LINGO2: variants seen among roughly 807,000 people sequenced by gnomAD.
The protein encoded by LINGO2 is leucine-rich repeat and immunoglobulin-like domain-containing nogo receptor-interacting protein 2.
A neutral mutation model predicts 30.6 loss-of-function variants in LINGO2; 14 were observed. The observed-to-expected ratio is 0.46, with a 90% CI of 0.30 to 0.72. The LOEUF (loss-of-function observed/expected upper bound fraction) is 0.72. Ranked by LOEUF, LINGO2 falls within the 30% of genes least tolerant of loss-of-function variation. The pLI is 0.07. For synonymous variants in LINGO2, 317 were observed against 288.5 expected, an observed-to-expected ratio of 1.10 and a Z score of -1.00; for missense variants, 729 against 751.7, an observed-to-expected ratio of 0.97 and a Z score of 0.35.
chr9:28,227,520 T>C (rs998413670), intron 4 of LINGO2, among the ~76,000 whole-genome samples: 1 of 152,132 alleles, frequency 6.6e-6, no homozygotes, highest in Non-Finnish European at 1.5e-5. Flanking sequence ...ATTCTCCCCT[T>C]CTATGTGGCT....
intron 2 of LINGO2, among the ~76,000 whole-genome samples, chr9:28,435,897 G>A (rs1433976521): frequency 1.3e-5 from 2 of 152,170 alleles, no homozygotes; most frequent in Non-Finnish European, 2.9e-5. Flanking sequence ...AGAGTGCACT[G>A]GGGACGTGAG....
At chr9:28,438,203 A>G (rs1260838635) in intron 2 of LINGO2, among the ~76,000 whole-genome samples, 1 of 152,158 alleles carries the variant, frequency 6.6e-6, no homozygotes, top group African/African-American at 2.4e-5. Flanking sequence ...TTATGGGTCA[A>G]TTTGAGTGAG....
intron 5 of LINGO2, among the ~76,000 whole-genome samples, chr9:28,001,919 T>A (rs867737189): frequency 6.6e-6 from 1 of 152,228 alleles, no homozygotes; most frequent in Non-Finnish European, 1.5e-5. Context: ...CATTGAAAGT[T>A]ACTCTGAGAT....
chr9:28,058,167 G>C (rs546150859), intron 4 of LINGO2, among the ~76,000 whole-genome samples: 56 of 152,168 alleles, frequency 3.7e-4, no homozygotes, highest in African/African-American at 1.3e-3. Context: ...ATACTACAAG[G>C]CTTAATGGAT....
At chr9:27,950,924 G>A (rs764244486) in intron 5 of LINGO2, among the ~76,000 whole-genome samples, 3 of 152,126 alleles carry the variant, frequency 2.0e-5, no homozygotes, top group Non-Finnish European at 4.4e-5. Flanking sequence ...GTGAAATGGG[G>A]ATAATAGTGA....
At chr9:28,688,144 A>C in the LINGO2 span, among the ~76,000 whole-genome samples, 2 of 152,312 alleles carry the variant, frequency 1.3e-5, 1 homozygote, top group Middle Eastern at 6.8e-3. Context: ...GAGTTGCTGC[A>C]GGCTACAGTA....
At chr9:28,821,291 T>C in the LINGO2 span, among the ~76,000 whole-genome samples, 1 of 152,334 alleles carries the variant, frequency 6.6e-6, no homozygotes, top group East Asian at 1.9e-4. Context: ...GCTGAAACTG[T>C]GCTGCTTTGT....
the LINGO2 span, among the ~76,000 whole-genome samples, chr9:29,103,794 T>A: frequency 6.6e-6 from 1 of 152,100 alleles, no homozygotes; most frequent in Non-Finnish European, 1.5e-5. Context: ...AATTTTTAAA[T>A]CAACAAATGG....
At chr9:28,566,559 T>G (rs1823393725) in intron 1 of LINGO2, among the ~76,000 whole-genome samples, 1 of 152,118 alleles carries the variant, frequency 6.6e-6, no homozygotes, top group Non-Finnish European at 1.5e-5. Context: ...AACTGCTCCC[T>G]CAGATGTTGT....
chr9:28,045,696 T>A (rs1824389020), intron 4 of LINGO2, among the ~76,000 whole-genome samples: 1 of 152,128 alleles, frequency 6.6e-6, no homozygotes, highest in Non-Finnish European at 1.5e-5. Flanking sequence ...TTACAATTAA[T>A]AAGCAATGAT....
chr9:28,981,207 G>A, the LINGO2 span, among the ~76,000 whole-genome samples: 4 of 152,054 alleles, frequency 2.6e-5, no homozygotes, highest in Admixed American at 6.6e-5. Context: ...AGAACCCTAA[G>A]AGCAATATAG....
chr9:28,661,066 T>C (rs1036517018), intron 1 of LINGO2, among the ~76,000 whole-genome samples: 27 of 152,134 alleles, frequency 1.8e-4, no homozygotes, highest in African/African-American at 6.3e-4. Context: ...ACTACCTCTA[T>C]CCAGAGGTGG....
At chr9:28,762,605 C>T in the LINGO2 span, among the ~76,000 whole-genome samples, 1 of 151,986 alleles carries the variant, frequency 6.6e-6, no homozygotes, top group African/African-American at 2.4e-5. Flanking sequence ...TGAAGTTTTA[C>T]AACCCCCTTG....
At chr9:28,194,937 T>C (rs1201441876) in intron 4 of LINGO2, among the ~76,000 whole-genome samples, 1 of 152,006 alleles carries the variant, frequency 6.6e-6, no homozygotes, top group African/African-American at 2.4e-5. Flanking sequence ...ACTAAATATA[T>C]AGAGTAATTA....
chr9:28,134,467 C>G (rs1047760960), intron 4 of LINGO2, among the ~76,000 whole-genome samples: 8 of 152,210 alleles, frequency 5.3e-5, no homozygotes, highest in Non-Finnish European at 1.2e-4. Flanking sequence ...GAAGCTGTAA[C>G]TCCAATGATA....
intron 4 of LINGO2, among the ~76,000 whole-genome samples, chr9:28,283,330 A>T (rs1427617509): frequency 6.6e-6 from 1 of 152,190 alleles, no homozygotes; most frequent in Non-Finnish European, 1.5e-5. Flanking sequence ...TGTTGACATT[A>T]TCATCAGCAA....
intron 5 of LINGO2, among the ~76,000 whole-genome samples, chr9:27,993,829 T>C (rs1821518927): frequency 2.6e-5 from 4 of 152,100 alleles, no homozygotes; most frequent in Admixed American, 2.6e-4. Context: ...CAGAACATTT[T>C]ATCCAACTGC....
chr9:28,791,012 GT>G, the LINGO2 span, among the ~76,000 whole-genome samples: 8 of 151,864 alleles, frequency 5.3e-5, no homozygotes, highest in African/African-American at 1.7e-4. Context: ...AGTTTCCAAA[GT>G]TTTTTTAAAA....
At chr9:28,221,535 T>G (rs1185837893) in intron 4 of LINGO2, among the ~76,000 whole-genome samples, 1 of 152,060 alleles carries the variant, frequency 6.6e-6, no homozygotes, top group Non-Finnish European at 1.5e-5. Context: ...AGCATATGAT[T>G]TGGTGGTTCA....
Sources: allele counts gnomAD v4.1 joint callset (sites outside exome capture counted in the v4.1 genomes callset), GRCh38; gene constraint gnomAD v4.1.1; transcripts MANE v1.5; gene names NCBI Gene and HGNC (gene_info 2026-07-23, HGNC 2026-07-21).